POU6F2: variants seen among roughly 807,000 people sequenced by gnomAD.
The protein encoded by POU6F2 is POU class 6 homeobox 2, also known as POU domain, class 6, transcription factor 2.
Under a neutral mutation model 71.3 loss-of-function variants are expected in POU6F2, and 31 were observed. The observed-to-expected ratio is 0.43, with a 90% CI of 0.33 to 0.59. The LOEUF (loss-of-function observed/expected upper bound fraction) is 0.59. POU6F2 is among the 20% of genes least tolerant of loss of function. The pLI is 0.04. For synonymous variants in POU6F2, 347 were observed against 355.7 expected (o/e 0.98, Z 0.27); for missense variants, 783 against 856.8 (o/e 0.91, Z 1.07).
intron 4 of POU6F2, among the ~76,000 whole-genome samples, chr7:39,335,533 A>G (rs188325877): frequency 6.6e-6 from 1 of 152,324 alleles, no homozygotes; most frequent in African/African-American, 2.4e-5. Context: ...TTGCCTCATC[A>G]TTACAAATAA....
chr7:39,201,916 G>A (rs752160785), intron 2 of POU6F2, among the ~76,000 whole-genome samples: 16 of 152,114 alleles, frequency 1.1e-4, no homozygotes, highest in Non-Finnish European at 2.1e-4. Flanking sequence ...AAGGTTATGC[G>A]TGATACATCT....
intron 2 of POU6F2, among the ~76,000 whole-genome samples, chr7:39,173,404 G>A (rs978992507): frequency 6.6e-6 from 1 of 152,184 alleles, no homozygotes; most frequent in African/African-American, 2.4e-5. Context: ...TGTAAAACAG[G>A]AATAGTCATA....
intron 2 of POU6F2, among the ~76,000 whole-genome samples, chr7:39,118,825 A>T (rs2128727122): frequency 6.6e-6 from 1 of 152,352 alleles, no homozygotes; most frequent in African/African-American, 2.4e-5. Flanking sequence ...ATCACACCAA[A>T]GTAAATGACC....
chr7:39,129,788 G>A (rs572231000), intron 2 of POU6F2, among the ~76,000 whole-genome samples: 1 of 152,106 alleles, frequency 6.6e-6, no homozygotes, highest in African/African-American at 2.4e-5. Context: ...TTTCGGCCGG[G>A]CGCTGTGGCT....
rs191953371 is a variant in POU6F2 at position 39,040,284 on chromosome 7, C to G, written c.106-45576C>G. Among the ~76,000 whole-genome samples, 1,061 of 149,186 alleles carry G rather than the reference C, an allele frequency of 7.1e-3. 13 individuals are homozygous for G. Among genetic ancestry groups the G allele is most frequent in the African/African-American group, 0.025 (1,025 of 40,712 alleles). On this transcript the variant is annotated intron_variant, in intron 1 of 9. Coordinates refer to ENST00000518318, the MANE Select transcript of POU6F2 (RefSeq NM_001370959.1). ...AAAAACATTAATTTCTTTATTTCTA[C>G]TGCCATAAAAATCTATCTATATATT...
In POU6F2 at chr7:39,198,982, G is replaced by A. The variant is rs865831066; in HGVS notation, c.278-5253G>A. On this transcript the variant is annotated intron_variant, in intron 2 of 9. Transcript: ENST00000518318. ...TAACCTTTGTGTCACCTCCTTCACT[G>A]GTGGAAACTGCAAACAGTCGGTGAG... 3.9e-5 allele frequency among the ~76,000 whole-genome samples: 6 copies of A among 152,316 alleles called. No homozygotes were observed. In the South Asian group the frequency reaches 8.3e-4, roughly 21 times the overall value.
chr7:39,302,386 A>C (rs1784964950), intron 4 of POU6F2, among the ~76,000 whole-genome samples: 1 of 152,228 alleles, frequency 6.6e-6, no homozygotes, highest in Non-Finnish European at 1.5e-5. Context: ...TTTTGTTCCA[A>C]AGATAAAATG....
chr7:39,251,385 CA>C (rs1400676693), intron 4 of POU6F2, among the ~76,000 whole-genome samples: 1 of 151,976 alleles, frequency 6.6e-6, no homozygotes, highest in East Asian at 1.9e-4. Context: ...GAGTTTTGGC[CA>C]AAGAGAATGA....
At chr7:38,983,295 T>G (rs1282884252) in intron 1 of POU6F2, among the ~76,000 whole-genome samples, 3 of 152,134 alleles carry the variant, frequency 2.0e-5, no homozygotes, top group Non-Finnish European at 4.4e-5. Context: ...TAATAGCTGC[T>G]CTATATATAA....
intron 1 of POU6F2, among the ~76,000 whole-genome samples, chr7:39,077,885 T>A (rs1422601871): frequency 6.6e-6 from 1 of 152,214 alleles, no homozygotes; most frequent in Non-Finnish European, 1.5e-5. Context: ...TAGACCTTAT[T>A]TTACCGTGTA....
chr7:39,123,839 C>T (rs1022457776), intron 2 of POU6F2, among the ~76,000 whole-genome samples: 7 of 151,766 alleles, frequency 4.6e-5, no homozygotes, highest in Non-Finnish European at 7.4e-5. Context: ...AACAACTTCA[C>T]ATATGTTAAG....
chr7:39,347,673 C>CTAAT (rs1554345315), intron 5 of POU6F2, among the ~76,000 whole-genome samples: 2 of 146,474 alleles, frequency 1.4e-5, no homozygotes, highest in Admixed American at 7.1e-5. Context: ...TCACTGTCAC[C>CTAAT]CAGGCTGGCA....
chr7:39,313,316 T>C (rs962797722), intron 4 of POU6F2, among the ~76,000 whole-genome samples: 1 of 152,190 alleles, frequency 6.6e-6, no homozygotes, highest in African/African-American at 2.4e-5. Flanking sequence ...ACTTATTTAA[T>C]GAGACCTTCC....
At chr7:39,000,190 G>A (rs1156464715) in intron 1 of POU6F2, among the ~76,000 whole-genome samples, 1 of 152,120 alleles carries the variant, frequency 6.6e-6, no homozygotes, top group Non-Finnish European at 1.5e-5. Context: ...AAGCATGTTT[G>A]GGGGGACATT....
intron 6 of POU6F2, among the ~76,000 whole-genome samples, chr7:39,432,249 A>C (rs1446403391): frequency 1.3e-5 from 2 of 152,168 alleles, no homozygotes; most frequent in African/African-American, 4.8e-5. Flanking sequence ...CACTGGATGC[A>C]GAGAAGAGCC....
At chr7:39,175,596 G>A (rs990456567) in intron 2 of POU6F2, among the ~76,000 whole-genome samples, 4 of 152,060 alleles carry the variant, frequency 2.6e-5, no homozygotes, top group African/African-American at 9.7e-5. Flanking sequence ...TTAATATACT[G>A]CTAATAAAGT....
chr7:39,121,999 T>C (rs1158810253), intron 2 of POU6F2, among the ~76,000 whole-genome samples: 1 of 152,190 alleles, frequency 6.6e-6, no homozygotes. Context: ...ACACCCAGCC[T>C]ACAGATAGTA....
intron 4 of POU6F2, among the ~76,000 whole-genome samples, chr7:39,304,010 G>A (rs1039883972): frequency 1.3e-5 from 2 of 152,100 alleles, no homozygotes; most frequent in African/African-American, 2.4e-5. Flanking sequence ...TCACCCCTTT[G>A]CACCAACACT....
At chr7:39,368,171 A>C (rs1465014925) in intron 5 of POU6F2, among the ~76,000 whole-genome samples, 2 of 152,234 alleles carry the variant, frequency 1.3e-5, no homozygotes, top group Non-Finnish European at 2.9e-5. Flanking sequence ...TCAAAAATCA[A>C]GAAAGGCAGA....
Sources: gnomAD v4.1 joint callset for allele counts (sites outside exome capture counted in the v4.1 genomes callset) on GRCh38, gnomAD v4.1.1 for gene constraint, MANE v1.5 for transcripts, NCBI Gene and HGNC (gene_info 2026-07-23, HGNC 2026-07-21) for gene names.